CTNNBL1: variants seen among roughly 807,000 people sequenced by gnomAD.
CTNNBL1 encodes catenin beta like 1, also known as beta-catenin-like protein 1.
A neutral mutation model predicts 72.7 loss-of-function variants in CTNNBL1; 31 were observed. That is an observed-to-expected ratio of 0.43 (90% CI 0.32 to 0.58). CTNNBL1 has a LOEUF of 0.58. Ranked by LOEUF, CTNNBL1 falls within the 20% of genes least tolerant of loss-of-function variation. The pLI is 0.08. For synonymous variants in CTNNBL1, 240 were observed against 267.3 expected (o/e 0.90, Z 1.00); for missense variants, 534 against 725.1 (o/e 0.74, Z 3.03).
At chr20:37,863,146 C>T (rs527777719) in intron 15 of CTNNBL1, among the ~76,000 whole-genome samples, 4 of 152,276 alleles carry the variant, frequency 2.6e-5, no homozygotes, top group South Asian at 4.2e-4. Context: ...TGACTCTCCT[C>T]GGGACTAGCT....
intron 3 of CTNNBL1, among the ~76,000 whole-genome samples, chr20:37,741,109 A>G (rs1022205280): frequency 2.0e-5 from 3 of 152,332 alleles, no homozygotes; most frequent in East Asian, 3.9e-4. Flanking sequence ...ATTCTCTGTC[A>G]TATTAGATGG....
At chr20:37,849,506 T>A (rs930662680) in intron 13 of CTNNBL1, among the ~76,000 whole-genome samples, 7 of 152,260 alleles carry the variant, frequency 4.6e-5, no homozygotes, top group Admixed American at 4.6e-4. Flanking sequence ...CTCCGAACTC[T>A]GCCCAGAATA....
intron 10 of CTNNBL1, among the ~76,000 whole-genome samples, chr20:37,792,303 T>C (rs139703457): frequency 6.6e-6 from 1 of 152,264 alleles, no homozygotes; most frequent in Non-Finnish European, 1.5e-5. Context: ...GTCAGTATTT[T>C]TTTTCCCTCT....
chr20:37,825,804 G>A (rs2122780098), intron 11 of CTNNBL1, among the ~76,000 whole-genome samples: 1 of 152,338 alleles, frequency 6.6e-6, no homozygotes, highest in Non-Finnish European at 1.5e-5. Context: ...AGTTCCTCAA[G>A]TCGCTGGTGC....
chr20:37,837,153 A>G (rs2072261692), intron 11 of CTNNBL1, among the ~76,000 whole-genome samples: 1 of 152,122 alleles, frequency 6.6e-6, no homozygotes, highest in Admixed American at 6.5e-5. Context: ...AGGTCAGAGC[A>G]CTTTCCCTGA....
At chr20:37,777,749 A>G (rs2073588957) in intron 9 of CTNNBL1, 37 bp downstream of exon 9, 3 of 1,600,264 alleles carry the variant, frequency 1.9e-6, no homozygotes, top group Non-Finnish European at 2.6e-6. Flanking sequence ...GCTGTAAGAT[A>G]CATGGTCTGC....
intron 7 of CTNNBL1, among the ~76,000 whole-genome samples, chr20:37,768,513 AT>A (rs1328928619): frequency 6.6e-6 from 1 of 152,188 alleles, no homozygotes; most frequent in Non-Finnish European, 1.5e-5. Context: ...AATTAATCTC[AT>A]CATTCCCACT....
At chr20:37,845,685 T>A (rs2072341513) in intron 13 of CTNNBL1, among the ~76,000 whole-genome samples, 1 of 152,190 alleles carries the variant, frequency 6.6e-6, no homozygotes, top group Non-Finnish European at 1.5e-5. Flanking sequence ...CCTCATGCCG[T>A]CTTCTCTCTG....
intron 1 of CTNNBL1, among the ~76,000 whole-genome samples, chr20:37,721,417 G>A (rs2073039804): frequency 6.6e-6 from 1 of 152,196 alleles, no homozygotes; most frequent in South Asian, 2.1e-4. Context: ...CCCTGTGAGT[G>A]TTATAAACCC....
chr20:37,791,027 T>C (rs901127152), intron 10 of CTNNBL1, among the ~76,000 whole-genome samples: 1 of 152,230 alleles, frequency 6.6e-6, no homozygotes, highest in Non-Finnish European at 1.5e-5. Flanking sequence ...TTCCTTTTTT[T>C]GGTCTGACCT....
At chr20:37,836,280 GAGATTGGTGTAA>G (rs2072252772) in intron 11 of CTNNBL1, among the ~76,000 whole-genome samples, 1 of 152,202 alleles carries the variant, frequency 6.6e-6, no homozygotes, top group South Asian at 2.1e-4. Context: ...GGCTGCTGAG[GAGATTGGTGTAA>G]ACTCAGATCC....
At chr20:37,712,978 TAA>T (rs1264467092) in intron 1 of CTNNBL1, among the ~76,000 whole-genome samples, 9 of 152,200 alleles carry the variant, frequency 5.9e-5, no homozygotes, top group Non-Finnish European at 1.3e-4. Context: ...GCAGTTTTTA[TAA>T]GATTTTAGAG....
chr20:37,822,927 G>A (rs2072122495), intron 11 of CTNNBL1, among the ~76,000 whole-genome samples: 1 of 152,178 alleles, frequency 6.6e-6, no homozygotes, highest in Admixed American at 6.6e-5. Flanking sequence ...GATTTTGCAG[G>A]CCCTTAGTTC....
chr20:37,727,894 TG>T (rs766616950), intron 1 of CTNNBL1, among the ~76,000 whole-genome samples: 95 of 152,204 alleles, frequency 6.2e-4, no homozygotes, highest in Non-Finnish European at 1.2e-3. Flanking sequence ...TGTTTTGTTT[TG>T]TATAAGCAGT....
chr20:37,716,211 A>T lies in CTNNBL1; in HGVS notation c.31-16668A>T, dbSNP rs143745307. Among the ~76,000 whole-genome samples the T allele has an allele frequency of 1.0e-3, 152 of 152,326 alleles. 3 individuals carry two copies. In the East Asian group the frequency reaches 0.029, roughly 29 times the overall value. On this transcript the variant is annotated intron_variant, in intron 1 of 15. Coordinates refer to ENST00000361383, the MANE Select transcript of CTNNBL1 (RefSeq NM_030877.5). ...GCATTTTGCCTATTTGGTCTACTAA[A>T]TGTGCTTGCTAGGAAATTGAGTATC...
intron 10 of CTNNBL1, among the ~76,000 whole-genome samples, chr20:37,789,826 G>C (rs1206818007): frequency 2.6e-5 from 4 of 152,212 alleles, no homozygotes; most frequent in Non-Finnish European, 4.4e-5. Flanking sequence ...TATATTGTCA[G>C]TTTCCTTGAA....
At chr20:37,793,333 A>G (rs2073742647) in intron 10 of CTNNBL1, among the ~76,000 whole-genome samples, 1 of 152,198 alleles carries the variant, frequency 6.6e-6, no homozygotes, top group South Asian at 2.1e-4. Flanking sequence ...ATAGAATTAT[A>G]TGTTCTTTTG....
At chr20:37,788,039 T>A (rs1383951555) in intron 10 of CTNNBL1, among the ~76,000 whole-genome samples, 1 of 152,168 alleles carries the variant, frequency 6.6e-6, no homozygotes, top group Non-Finnish European at 1.5e-5. Flanking sequence ...CACATTTTGT[T>A]ATTATTATTA....
At chr20:37,743,263 T>C (rs1252906469) in intron 3 of CTNNBL1, among the ~76,000 whole-genome samples, 1 of 151,974 alleles carries the variant, frequency 6.6e-6, no homozygotes, top group Non-Finnish European at 1.5e-5. Context: ...CTCACTCACA[T>C]AAGGCAAATA....
Sources: gnomAD v4.1 joint callset for allele counts (sites outside exome capture counted in the v4.1 genomes callset) on GRCh38, gnomAD v4.1.1 for gene constraint, MANE v1.5 for transcripts, NCBI Gene and HGNC (gene_info 2026-07-23, HGNC 2026-07-21) for gene names.